DGKH: variants seen among roughly 807,000 people sequenced by gnomAD.
DGKH encodes the protein diacylglycerol kinase eta, also known as DAG kinase eta.
A neutral mutation model predicts 159.3 loss-of-function variants in DGKH; 90 were observed. The observed-to-expected ratio is 0.57, with a 90% CI of 0.48 to 0.67. The LOEUF (loss-of-function observed/expected upper bound fraction) is 0.67, where lower values mean the gene tolerates loss of function less well. DGKH is among the 30% of genes least tolerant of loss of function. DGKH has a pLI of 0.00. For synonymous variants in DGKH, 536 were observed against 553.8 expected, an observed-to-expected ratio of 0.97 and a Z score of 0.45; for missense variants, 1,181 against 1,506.1, an observed-to-expected ratio of 0.78 and a Z score of 3.57.
intron 1 of DGKH, among the ~76,000 whole-genome samples, chr13:42,109,339 G>A (rs1057477122): frequency 6.6e-6 from 1 of 152,164 alleles, no homozygotes; most frequent in Non-Finnish European, 1.5e-5. Context: ...TCACAGAAAC[G>A]TTAAGTAATT....
chr13:42,189,818 C>T (rs1040785531), intron 15 of DGKH, among the ~76,000 whole-genome samples: 1 of 152,060 alleles, frequency 6.6e-6, no homozygotes, highest in Non-Finnish European at 1.5e-5. Flanking sequence ...AGATGTGCAC[C>T]GCCATACCCA....
intron 20 of DGKH, among the ~76,000 whole-genome samples, chr13:42,203,706 A>C (rs1448156540): frequency 2.6e-5 from 4 of 152,100 alleles, no homozygotes; most frequent in African/African-American, 9.7e-5. Context: ...GGTGGTGTGC[A>C]CCTATAATCC....
chr13:42,047,505 A>G (rs531031235), upstream of DGKH, among the ~76,000 whole-genome samples: 1 of 152,310 alleles, frequency 6.6e-6, no homozygotes, highest in African/African-American at 2.4e-5. Context: ...TATAGCTAAC[A>G]CCAGTTTGGT....
chr13:42,046,019 A>G (rs1880776930), upstream of DGKH, among the ~76,000 whole-genome samples: 1 of 152,232 alleles, frequency 6.6e-6, no homozygotes, highest in Non-Finnish European at 1.5e-5. Context: ...TAAAAACCTA[A>G]TTTAGGGGTA....
chr13:42,179,502 G>A (rs1594154424), intron 13 of DGKH, among the ~76,000 whole-genome samples: 2 of 152,116 alleles, frequency 1.3e-5, no homozygotes, highest in African/African-American at 2.4e-5. Context: ...ACCAGGTACC[G>A]TGGCTCATGC....
At chr13:42,217,282 C>T (rs534691768) in intron 26 of DGKH, among the ~76,000 whole-genome samples, 8 of 152,158 alleles carry the variant, frequency 5.3e-5, no homozygotes, top group South Asian at 4.1e-4. Context: ...GAGACAGGGA[C>T]GCACTCTGTC....
chr13:42,248,303 T>C (rs1487961284), intron 29 of DGKH, among the ~76,000 whole-genome samples: 1 of 151,846 alleles, frequency 6.6e-6, no homozygotes, highest in East Asian at 1.9e-4. Context: ...ATGCCTGTAA[T>C]CCCAGCTACT....
intron 3 of DGKH, among the ~76,000 whole-genome samples, chr13:42,150,071 T>G (rs1955835964): frequency 6.6e-6 from 1 of 152,244 alleles, no homozygotes; most frequent in African/African-American, 2.4e-5. Flanking sequence ...TAAGTACTTT[T>G]TAGATTTTTA....
At chr13:42,143,145 G>A (rs1178688420) in intron 3 of DGKH, among the ~76,000 whole-genome samples, 2 of 152,116 alleles carry the variant, frequency 1.3e-5, no homozygotes, top group African/African-American at 4.8e-5. Flanking sequence ...TTCTGCATCT[G>A]TTGAGATAAT....
intron 1 of DGKH, among the ~76,000 whole-genome samples, chr13:42,091,580 G>T (rs1337500687): frequency 1.3e-5 from 2 of 152,104 alleles, no homozygotes; most frequent in African/African-American, 4.8e-5. Context: ...TAGATAAATG[G>T]TATTACATCG....
chr13:42,151,100 G>A (rs1192653334), intron 3 of DGKH, among the ~76,000 whole-genome samples: 1 of 152,090 alleles, frequency 6.6e-6, no homozygotes, highest in Non-Finnish European at 1.5e-5. Context: ...GGAAGGAATG[G>A]AGCCCTCCCA....
Position 42,187,105 on chromosome 13 carries a change from A to G in DGKH, c.1595A>G (p.Lys532Arg). ...FVAKVEKTYD[K>R]TLENAVVADA... Reference sequence around the variant, plus strand: ...GCCAAAGTAGAAAAGACGTATGACAAAACCTTGGAAAATGCCGTTGTAGCT... The same window carrying G: ...GCCAAAGTAGAAAAGACGTATGACAGAACCTTGGAAAATGCCGTTGTAGCT... Residue 532 changes from lysine (K) to arginine (R), a missense_variant, in exon 14 of 30, where the codon AAA becomes AGA. Physicochemically the swap from Lys to Arg is conservative, Grantham distance 26. This residue lies in a region of DGKH where 257 missense variants were observed against 281.5 expected (regional missense o/e 0.91). Coordinates refer to ENST00000337343, the MANE Select transcript of DGKH (RefSeq NM_178009.5). 1 of 1,614,180 alleles carries G rather than the reference A, an allele frequency of 6.2e-7. No individual in the cohort carries two copies. The highest frequency in any genetic ancestry group is 2.2e-5 in the East Asian group (1 of 44,876).
rs1958383397 is a variant in DGKH at position 42,234,848 on chromosome 13, T to A, written c.*5660T>A. 1 of 152,196 alleles carries A rather than the reference T, an allele frequency of 6.6e-6. No individual in the cohort carries two copies. Among genetic ancestry groups the A allele is most frequent in the Admixed American group, 6.5e-5 (1 of 15,282 alleles). The allele number at this position is 152,196 out of a possible 1,614,324, so 9.4% of individuals were successfully genotyped here. On this transcript the variant is annotated 3_prime_UTR_variant, in exon 30 of 30. Coordinates refer to ENST00000337343, the MANE Select transcript of DGKH (RefSeq NM_178009.5). ...TGACTTTTGTATAGCAACCTCTGTGTCAAGTCAGTAATATGATGCCATTGT... is the reference window on the plus strand; with the variant it reads ...TGACTTTTGTATAGCAACCTCTGTGACAAGTCAGTAATATGATGCCATTGT...
At chr13:42,216,883 C>T (rs7322022) in intron 26 of DGKH, among the ~76,000 whole-genome samples, 5,675 of 152,262 alleles carry the variant, frequency 0.037, 319 homozygotes, top group African/African-American at 0.13. Flanking sequence ...TGACCTATGA[C>T]GATCATTTCT....
chr13:42,105,396 A>G (rs1222297559), intron 1 of DGKH, among the ~76,000 whole-genome samples: 1 of 152,078 alleles, frequency 6.6e-6, no homozygotes, highest in African/African-American at 2.4e-5. Flanking sequence ...ATTAGGCCCC[A>G]CCTCCCAACA....
intron 1 of DGKH, among the ~76,000 whole-genome samples, chr13:42,059,999 A>G (rs1038377216): frequency 1.3e-5 from 2 of 150,776 alleles, no homozygotes; most frequent in Non-Finnish European, 1.5e-5. Flanking sequence ...TCCGCCTACC[A>G]GGTTTAAGTG....
At chr13:42,053,435 GCTATATATAACTATATATATAA>G (rs1310374882) in intron 1 of DGKH, among the ~76,000 whole-genome samples, 35 of 138,840 alleles carry the variant, frequency 2.5e-4, no homozygotes, top group Middle Eastern at 3.8e-3. Flanking sequence ...TCTATATGTA[GCTATATATAACTATATATATAA>G]CTATATATAA....
intron 1 of DGKH, among the ~76,000 whole-genome samples, chr13:42,112,818 G>A (rs940280336): frequency 6.6e-6 from 1 of 152,128 alleles, no homozygotes; most frequent in African/African-American, 2.4e-5. Flanking sequence ...CTTTCCTGGC[G>A]AGGTCAGCGA....
At chr13:42,214,822 G>C (rs563952765) in intron 25 of DGKH, among the ~76,000 whole-genome samples, 8 of 151,454 alleles carry the variant, frequency 5.3e-5, no homozygotes, top group Non-Finnish European at 1.2e-4. Context: ...CATTTTTTAT[G>C]TTTCACTTTC....
Sources: allele counts gnomAD v4.1 joint callset (sites outside exome capture counted in the v4.1 genomes callset), GRCh38; gene constraint gnomAD v4.1.1; regional missense constraint gnomAD v4.1.1; transcripts MANE v1.5; gene names NCBI Gene and HGNC (gene_info 2026-07-23, HGNC 2026-07-21).